Variants in TDP1 observed in about 807,000 individuals in gnomAD.
TDP1 encodes the protein tyr-DNA phosphodiesterase 1.
Under a neutral mutation model 81.5 loss-of-function variants are expected in TDP1, and 64 were observed. The observed-to-expected ratio is 0.79, with a 90% CI of 0.64 to 0.97. The LOEUF is 0.97. Among genes scored for constraint, TDP1 ranks in the 50% least tolerant of loss-of-function variants. TDP1 has a pLI of 0.00. For missense variants in TDP1, 723 were observed against 743.8 expected, an observed-to-expected ratio of 0.97 and a Z score of 0.33; for synonymous variants, 256 against 264.3, an observed-to-expected ratio of 0.97 and a Z score of 0.30.
chr14:89,993,839 G>A (rs1896438484), intron 14 of TDP1, among the ~76,000 whole-genome samples: 1 of 152,084 alleles, frequency 6.6e-6, no homozygotes, highest in African/African-American at 2.4e-5. Context: ...TTTCTCCTTA[G>A]GTAATTGAAA....
At chr14:90,032,704 T>C (rs1887421130) in intron 15 of TDP1, 1 of 981,526 alleles carries the variant, frequency 1.0e-6, no homozygotes, top group Admixed American at 6.1e-5. Flanking sequence ...TTATTTCTTC[T>C]TACTCCAGGC....
rs372434611 is a variant in TDP1, at chr14:89,956,701, C to A, written c.-107C>A. ...TCACTTGAGGTTAGGAGTTTGAGAT[C>A]AGCCCGGGCAACATGGTGAAACCCC... On this transcript the variant is annotated 5_prime_UTR_variant, in exon 2 of 17. Coordinates refer to ENST00000335725, the MANE Select transcript of TDP1 (RefSeq NM_018319.4). 6.6e-6 allele frequency: 1 copy of A among 152,214 alleles called. No individual in the cohort carries two copies. Among genetic ancestry groups the A allele is most frequent in the African/African-American group, 2.4e-5 (1 of 41,446 alleles). 9.4% of individuals were successfully genotyped at this position (152,214 alleles called of 1,614,324 possible).
chr14:90,035,611 A>G (rs1419376315), intron 16 of TDP1, among the ~76,000 whole-genome samples: 1 of 152,140 alleles, frequency 6.6e-6, no homozygotes, highest in Non-Finnish European at 1.5e-5. Flanking sequence ...GTGAGTATCT[A>G]CCTTATAGGG....
Position 90,033,214 on chromosome 14 carries a change from G to T in TDP1, c.1753G>T (p.Asp585Tyr). 1 of 1,572,016 alleles carries T rather than the reference G, an allele frequency of 6.4e-7. No individual in the cohort carries two copies. The highest frequency in any genetic ancestry group is 8.8e-7 in the Non-Finnish European group (1 of 1,141,942). Reference sequence around the variant, plus strand: ...GCCTCCAGAACTGTATGGAAGTAAAGGTGAGACACAGATAAAGGAAAACCA... The same window carrying T: ...GCCTCCAGAACTGTATGGAAGTAAATGTGAGACACAGATAAAGGAAAACCA... ...DLPPELYGSKDRPWIWNIPYV... is the reference protein window; with the variant it reads ...DLPPELYGSKYRPWIWNIPYV... Residue 585 changes from aspartate (D) to tyrosine (Y), a missense_variant and splice_region_variant, in exon 16 of 17, where the codon GAT becomes TAT. Coordinates refer to ENST00000335725, the MANE Select transcript of TDP1 (RefSeq NM_018319.4).
chr14:90,025,716 A>T (rs939232412), intron 15 of TDP1, among the ~76,000 whole-genome samples: 1 of 152,244 alleles, frequency 6.6e-6, no homozygotes. Context: ...TACGGTTCAG[A>T]AAGTCTCAAT....
intron 3 of TDP1, among the ~76,000 whole-genome samples, chr14:89,965,551 G>A (rs190689177): frequency 3.3e-5 from 5 of 152,290 alleles, no homozygotes; most frequent in African/African-American, 4.8e-5. Context: ...ACTTGCTCTC[G>A]TGGTATGGTT....
chr14:89,993,574 T>A, intron 14 of TDP1, 91 bp downstream of exon 14: 1 of 1,542,300 alleles, frequency 6.5e-7, no homozygotes, highest in South Asian at 1.2e-5. Flanking sequence ...TAAAAAGTGA[T>A]TAGTGAGTTG....
At position 90,033,166 on chromosome 14, in the gene TDP1, A is replaced by G. The variant is rs35973343; in HGVS notation, c.1705A>G (p.Thr569Ala). The change falls in exon 16 of 17, where the codon ACC becomes GCC. Residue 569 changes from threonine (T) to alanine (A), a missense_variant. By Grantham distance (58) the Thr-to-Ala change is moderately conservative. Transcript: ENST00000335725. The stretch of plus-strand genomic sequence containing the variant: ...CGCTGGCAGCCAGGAGCCAATGGCC[A>G]CCTTTCCTGTGCCATATGATTTGCC... ...FFAGSQEPMA[T>A]FPVPYDLPPE... The G allele has an allele frequency of 8.0e-4, 1,284 of 1,613,552 alleles. 6 individuals are homozygous for G. The African/African-American group carries it at 0.015, about 19-fold the overall frequency.
At chr14:89,983,608 T>C (rs1431008047) in intron 8 of TDP1, among the ~76,000 whole-genome samples, 1 of 152,218 alleles carries the variant, frequency 6.6e-6, no homozygotes, top group Non-Finnish European at 1.5e-5. Context: ...CCTGATACTT[T>C]TGACTGCTCC....
chr14:90,043,246 C>A lies in TDP1; in HGVS notation c.*103C>A. 6.9e-7 allele frequency: 1 copy of A among 1,441,052 alleles called. No homozygotes were observed. Among genetic ancestry groups the A allele is most frequent in the South Asian group, 1.2e-5 (1 of 84,272 alleles). 89.3% of individuals were successfully genotyped at this position (1,441,052 alleles called of 1,614,324 possible). A position where few individuals can be genotyped will look rare whatever the true frequency, so the allele number is the denominator to read the frequency against. On this transcript the variant is annotated 3_prime_UTR_variant, in exon 17 of 17. Transcript: ENST00000335725. ...CACTTCCCTTAAAGTCTTATTTGCA[C>A]CCTTACAAAATCTTTCCAAAGGTCA... is the stretch of plus-strand genomic sequence containing the variant.
Position 89,988,974 on chromosome 14 carries a change from G to A in TDP1, c.1201G>A (p.Val401Ile), listed in dbSNP as rs892739281. ...GCCTGTCGTAGGTCAGTTTTCAAGC[G>A]TTGGCTCCTTGGGAGCCGATGAATC... ...SWPVVGQFSS[V>I]GSLGADESKW... Residue 401 changes from valine (V) to isoleucine (I), a missense_variant, in exon 11 of 17, where the codon GTT becomes ATT. Val to Ile is a conservative substitution (Grantham distance 29). Coordinates refer to ENST00000335725, the MANE Select transcript of TDP1 (RefSeq NM_018319.4). The A allele has an allele frequency of 5.0e-6, 8 of 1,614,058 alleles. No individual in the cohort carries two copies. Among genetic ancestry groups the A allele is most frequent in the East Asian group, 4.5e-5 (2 of 44,888 alleles).
chr14:90,033,453 C>G, intron 16 of TDP1: 1 of 558,886 alleles, frequency 1.8e-6, no homozygotes, highest in Non-Finnish European at 3.3e-6. Flanking sequence ...GGGCTACATG[C>G]TGATAAACCC....
intron 16 of TDP1, among the ~76,000 whole-genome samples, chr14:90,041,054 A>T (rs566313729): frequency 8.5e-5 from 13 of 152,378 alleles, no homozygotes; most frequent in African/African-American, 2.9e-4. Context: ...AAATGCTTGT[A>T]TCAAAAATCC....
rs998619061 is a variant in TDP1, at chr14:89,989,601, A to G, written c.1318-116A>G. On this transcript the variant is annotated intron_variant, in intron 11 of 16. Transcript: ENST00000335725. ...ATGAGAACTTTTAAAAATTTAAAGC[A>G]TATTTTCTAATTTAAAAGTATTTTT... is the stretch of plus-strand genomic sequence containing the variant. 1.1e-5 allele frequency: 13 copies of G among 1,135,476 alleles called. No homozygotes were observed. The African/African-American group carries it at 1.6e-4, about 14-fold the overall frequency. The allele number at this position is 1,135,476 out of a possible 1,614,324, so 70.3% of individuals were successfully genotyped here.
Position 89,993,495 on chromosome 14 carries a change from T to C in TDP1, c.1541+12T>C. The C allele has an allele frequency of 6.2e-7, 1 of 1,611,610 alleles. No homozygotes were observed. Among genetic ancestry groups the C allele is most frequent in the Admixed American group, 1.7e-5 (1 of 59,920 alleles). ...TTCCTTGTCACAAGGTAAATAGTCCTTACATTCCTGATGGGAGAAATCTTT... is the reference window on the plus strand; with the variant it reads ...TTCCTTGTCACAAGGTAAATAGTCCCTACATTCCTGATGGGAGAAATCTTT... On this transcript the variant is annotated intron_variant, in intron 14 of 16. Coordinates refer to ENST00000335725, the MANE Select transcript of TDP1 (RefSeq NM_018319.4).
At chr14:89,969,877 T>TC (rs1491557753) in intron 5 of TDP1, among the ~76,000 whole-genome samples, 13 of 1,932 alleles carry the variant, frequency 6.7e-3, no homozygotes, top group African/African-American at 9.9e-3. Context: ...TACTTATTTC[T>TC]TTTTTTTTTT....
chr14:90,029,240 C>T (rs1446906151), intron 15 of TDP1, among the ~76,000 whole-genome samples: 2 of 149,516 alleles, frequency 1.3e-5, no homozygotes, highest in Non-Finnish European at 3.0e-5. Flanking sequence ...CTTTGTCACC[C>T]AGGCTGGAGT....
intron 15 of TDP1, among the ~76,000 whole-genome samples, chr14:90,028,457 C>T (rs1470717430): frequency 6.6e-6 from 1 of 152,250 alleles, no homozygotes; most frequent in Non-Finnish European, 1.5e-5. Context: ...AGCTCTTTCA[C>T]TCCCAAAGCT....
At chr14:89,984,309 A>G in intron 8 of TDP1, 2 of 985,406 alleles carry the variant, frequency 2.0e-6, no homozygotes, top group Non-Finnish European at 1.2e-6. Context: ...TCTTAAATTC[A>G]TGGCAAGACA....
Sources: allele counts gnomAD v4.1 joint callset (sites outside exome capture counted in the v4.1 genomes callset), GRCh38; gene constraint gnomAD v4.1.1; transcripts MANE v1.5; gene names NCBI Gene and HGNC (gene_info 2026-07-23, HGNC 2026-07-21).